SESTD1: variants seen among roughly 807,000 people sequenced by gnomAD.
SESTD1 encodes SEC14 and spectrin domain containing 1.
SESTD1 carries 43 observed loss-of-function variants against 101.7 expected under a neutral mutation model. The ratio of observed to expected loss-of-function variants is 0.42; its 90% CI spans 0.33 to 0.55. SESTD1 has a LOEUF of 0.55. SESTD1 is among the 20% of genes least tolerant of loss of function. SESTD1 has a pLI of 0.07. For synonymous variants in SESTD1, 283 were observed against 286.8 expected, an observed-to-expected ratio of 0.99 and a Z score of 0.13; for missense variants, 647 against 815.1, an observed-to-expected ratio of 0.79 and a Z score of 2.51.
intron 3 of SESTD1, among the ~76,000 whole-genome samples, chr2:179,182,491 A>G (rs1374124152): frequency 6.6e-6 from 1 of 152,180 alleles, no homozygotes; most frequent in Non-Finnish European, 1.5e-5. Flanking sequence ...GTTGTGCCTC[A>G]GTCCCAATTA....
chr2:179,132,340 T>C lies in SESTD1; in HGVS notation c.936A>G (p.Leu312=), dbSNP rs771815005. The C allele has an allele frequency of 2.2e-5, 34 of 1,559,902 alleles. No homozygotes were observed. Among genetic ancestry groups the C allele is most frequent in the Admixed American group, 4.6e-5 (2 of 43,406 alleles). The change falls in exon 10 of 18, where the codon CTA becomes CTG. Residue 312 remains leucine (L), a synonymous_variant. Coordinates refer to ENST00000428443, the MANE Select transcript of SESTD1 (RefSeq NM_178123.5). ...IGDSIRASQA[L]QQKHEEIESQ... is the part of the protein sequence containing the mutation. ...TCTCAATCTCTTCGTGTTTCTGCTG[T>C]AGGGCCTGGGAGGCCCTAATGGAGT...
At chr2:179,221,509 A>G (rs1559149390) in intron 1 of SESTD1, among the ~76,000 whole-genome samples, 1 of 151,672 alleles carries the variant, frequency 6.6e-6, no homozygotes, top group Non-Finnish European at 1.5e-5. Context: ...GCTACTCGGG[A>G]GGCTGAGGCA....
At chr2:179,232,171 C>G (rs145563642) in intron 1 of SESTD1, among the ~76,000 whole-genome samples, 4,100 of 152,040 alleles carry the variant, frequency 0.027, 86 homozygotes, top group Admixed American at 0.035. Context: ...ACACTCTGAT[C>G]ATAATTCTAA....
intron 11 of SESTD1, among the ~76,000 whole-genome samples, chr2:179,124,042 T>A (rs1678145775): frequency 6.6e-6 from 1 of 152,120 alleles, no homozygotes; most frequent in Admixed American, 6.5e-5. Context: ...TACATTCAGG[T>A]CAGCAGAATG....
rs768247722 is a variant in SESTD1, at chr2:179,214,579, C to T, written c.-25-22713G>A. Among the ~76,000 whole-genome samples the T allele has an allele frequency of 1.0e-4, 14 of 134,194 alleles. 3 individuals are homozygous for T. The highest frequency in any genetic ancestry group is 5.7e-4 in the South Asian group (2 of 3,486). The allele number at this position is 134,194 out of a possible 152,430, so 88.0% of individuals were successfully genotyped here. A position where few individuals can be genotyped will look rare whatever the true frequency, so the allele number is the denominator to read the frequency against. On this transcript the variant is annotated intron_variant, in intron 1 of 17. Coordinates refer to ENST00000428443, the MANE Select transcript of SESTD1 (RefSeq NM_178123.5). ...CCACTGTCAATACTGGACGGATCAA[C>T]GAGACAGAAAGTTAACAAGGATATC...
chr2:179,163,243 T>C (rs2045772918), intron 5 of SESTD1, among the ~76,000 whole-genome samples: 1 of 152,210 alleles, frequency 6.6e-6, no homozygotes, highest in South Asian at 2.1e-4. Flanking sequence ...ATTTGACTTA[T>C]GCTCATTTTA....
At chr2:179,182,758 A>G (rs2046137558) in intron 3 of SESTD1, among the ~76,000 whole-genome samples, 1 of 152,166 alleles carries the variant, frequency 6.6e-6, no homozygotes, top group African/African-American at 2.4e-5. Flanking sequence ...GAAATAGCTT[A>G]CCTAAATAAA....
At chr2:179,175,239 CATA>C (rs1210369401) in intron 4 of SESTD1, among the ~76,000 whole-genome samples, 13 of 152,110 alleles carry the variant, frequency 8.5e-5, no homozygotes, top group Admixed American at 7.2e-4. Context: ...GTACCAAAAA[CATA>C]ATAAGCACTA....
rs778106562 is a variant in SESTD1, at chr2:179,115,184, G to A, written c.1720C>T (p.Arg574Trp). 1.4e-5 allele frequency: 23 copies of A among 1,613,904 alleles called. No homozygotes were observed. Among genetic ancestry groups the A allele is most frequent in the East Asian group, 2.2e-5 (1 of 44,864 alleles). The change falls in exon 16 of 18, where the codon CGG (arginine) becomes TGG (tryptophan). Residue 574 changes from arginine to tryptophan, a missense_variant. Arg to Trp is a moderately radical substitution (Grantham distance 101). Around this residue, in one of 3 missense-constraint regions of SESTD1, gnomAD observed 476 missense variants for 562.6 expected, o/e 0.85. Transcript: ENST00000428443. ...CGAGGAAGTGTATCCCCAGATGACC[G>A]AGAAGTGCAGCGCAAAGATTGGCAT... The part of the protein sequence containing the change: ...VLCQSLRCTS[R>W]SSGDTLPRLN...
At chr2:179,196,815 C>T (rs1419995149) in intron 1 of SESTD1, among the ~76,000 whole-genome samples, 1 of 152,160 alleles carries the variant, frequency 6.6e-6, no homozygotes, top group African/African-American at 2.4e-5. Flanking sequence ...TGTACATCAC[C>T]ATCATCAAAG....
intron 1 of SESTD1, among the ~76,000 whole-genome samples, chr2:179,242,647 C>G (rs1187337225): frequency 6.6e-6 from 1 of 152,048 alleles, no homozygotes; most frequent in Non-Finnish European, 1.5e-5. Flanking sequence ...AAAGTGAACC[C>G]CAAAATAAAG....
chr2:179,122,732 C>T (rs1016773206), intron 12 of SESTD1, among the ~76,000 whole-genome samples: 2 of 151,980 alleles, frequency 1.3e-5, no homozygotes, highest in African/African-American at 4.8e-5. Flanking sequence ...TCTACTATAA[C>T]TACCAATACA....
At chr2:179,230,131 T>C (rs1331174942) in intron 1 of SESTD1, among the ~76,000 whole-genome samples, 1 of 87,856 alleles carries the variant, frequency 1.1e-5, no homozygotes, top group Non-Finnish European at 2.4e-5. Flanking sequence ...TTTTTTTTTT[T>C]TTTTTTTTTT....
At chr2:179,126,467 T>G (rs1029461442) in intron 10 of SESTD1, among the ~76,000 whole-genome samples, 1 of 152,174 alleles carries the variant, frequency 6.6e-6, no homozygotes, top group Non-Finnish European at 1.5e-5. Context: ...AAAGTTTAGG[T>G]TGACCCAAGG....
intron 1 of SESTD1, among the ~76,000 whole-genome samples, chr2:179,245,605 G>A (rs1386123031): frequency 1.3e-5 from 2 of 151,000 alleles, no homozygotes; most frequent in Non-Finnish European, 2.9e-5. Flanking sequence ...GAGGTGGGAG[G>A]ATCACTCAAG....
chr2:179,240,757 T>C (rs2047140157), intron 1 of SESTD1, among the ~76,000 whole-genome samples: 1 of 152,044 alleles, frequency 6.6e-6, no homozygotes, highest in Admixed American at 6.6e-5. Context: ...AGGAGGCATA[T>C]AACACCCCTC....
In SESTD1 at chr2:179,113,088, C is replaced by T. The variant is rs112005918; in HGVS notation, c.1840-243G>A. ...AAATTCAAACAAACAAAATGAAATA[C>T]ATAATTCCTACTAACAATATGGTGA... On this transcript the variant is annotated intron_variant, in intron 16 of 17. Transcript: ENST00000428443. 3.0e-3 allele frequency among the ~76,000 whole-genome samples: 455 copies of T among 152,228 alleles called. 6 individuals are homozygous for T. Among genetic ancestry groups the T allele is most frequent in the African/African-American group, 0.011 (438 of 41,538 alleles).
chr2:179,137,067 T>C (rs2045162623), intron 9 of SESTD1, among the ~76,000 whole-genome samples: 1 of 152,132 alleles, frequency 6.6e-6, no homozygotes, highest in African/African-American at 2.4e-5. Flanking sequence ...TTTGCCAAAC[T>C]AGGTTATAAC....
intron 2 of SESTD1, 89 bp downstream of exon 2, chr2:179,191,696 TAA>T: frequency 9.9e-7 from 1 of 1,013,722 alleles, no homozygotes; most frequent in Non-Finnish European, 1.5e-6. Context: ...AAACTTTCAT[TAA>T]AAAAAAATGC....
Sources: allele counts gnomAD v4.1 joint callset (sites outside exome capture counted in the v4.1 genomes callset), GRCh38; gene constraint gnomAD v4.1.1; regional missense constraint gnomAD v4.1.1; transcripts MANE v1.5; gene names NCBI Gene and HGNC (gene_info 2026-07-23, HGNC 2026-07-21).